The following ETV6 variants were observed in gnomAD, a reference collection of about 807,000 sequenced individuals.
ETV6 encodes transcription factor ETV6.
ETV6 carries 16 observed loss-of-function variants against 51.1 expected under a neutral mutation model. The observed-to-expected ratio is 0.31, with a 90% CI of 0.21 to 0.48. ETV6 has a LOEUF of 0.48. Among genes scored for constraint, ETV6 ranks in the 20% least tolerant of loss-of-function variants. The probability of loss-of-function intolerance (pLI) is 0.99; values close to 1 mark genes in which losing one functional copy is unlikely to be tolerated. For missense variants in ETV6, 458 were observed against 594.8 expected (o/e 0.77, Z 2.39); for synonymous variants, 240 against 224.1 (o/e 1.07, Z -0.64).
At chr12:11,746,871 G>T (rs930835870) in intron 1 of ETV6, among the ~76,000 whole-genome samples, 1 of 143,360 alleles carries the variant, frequency 7.0e-6, no homozygotes, top group South Asian at 2.2e-4. Context: ...AAGATGCTTT[G>T]ACTTAATTGT....
intron 2 of ETV6, among the ~76,000 whole-genome samples, chr12:11,814,047 A>G (rs559371212): frequency 6.6e-6 from 1 of 152,292 alleles, no homozygotes; most frequent in South Asian, 2.1e-4. Flanking sequence ...AGTTACGGTA[A>G]AACCTCCATT....
At chr12:11,812,976 C>T (rs945182093) in intron 2 of ETV6, among the ~76,000 whole-genome samples, 1 of 152,184 alleles carries the variant, frequency 6.6e-6, no homozygotes, top group Non-Finnish European at 1.5e-5. Context: ...CCCAGGAACC[C>T]TGGCTGCGGT....
intron 1 of ETV6, among the ~76,000 whole-genome samples, chr12:11,730,235 C>A (rs948496236): frequency 2.0e-5 from 3 of 152,236 alleles, no homozygotes; most frequent in Non-Finnish European, 4.4e-5. Context: ...GCAAAGCCCA[C>A]GGTCTAGGCA....
At chr12:11,770,057 C>CA (rs1014177999) in intron 2 of ETV6, among the ~76,000 whole-genome samples, 2 of 151,400 alleles carry the variant, frequency 1.3e-5, no homozygotes, top group East Asian at 1.9e-4. Context: ...TCCTTTCAAT[C>CA]AAAAAAAAGG....
intron 2 of ETV6, among the ~76,000 whole-genome samples, chr12:11,813,289 C>T (rs60974683): frequency 0.015 from 2,252 of 152,332 alleles, 51 homozygotes; most frequent in African/African-American, 0.051. Context: ...AGCCCCAGCC[C>T]ACCCGCCAGG....
At chr12:11,687,786 C>T (rs532906924) in intron 1 of ETV6, among the ~76,000 whole-genome samples, 3 of 152,142 alleles carry the variant, frequency 2.0e-5, no homozygotes, top group East Asian at 1.9e-4. Flanking sequence ...TGTAAGATGA[C>T]GAGTAATAGC....
intron 2 of ETV6, among the ~76,000 whole-genome samples, chr12:11,827,432 C>T (rs1481766589): frequency 6.6e-6 from 1 of 152,110 alleles, no homozygotes; most frequent in African/African-American, 2.4e-5. Context: ...AAAAGCCATG[C>T]TTTGGAGGTG....
chr12:11,741,132 TATA>T lies in ETV6; in HGVS notation c.34-11315_34-11313del, dbSNP rs148042178. ...TGGAGTTCAAGGCATTTCTTCAGATTATAATGAGTTGATAGTGCAGTGTGCAAA... is the reference window on the plus strand; with the variant it reads ...TGGAGTTCAAGGCATTTCTTCAGATTATGAGTTGATAGTGCAGTGTGCAAA... On this transcript the variant is annotated intron_variant, in intron 1 of 7. Transcript: ENST00000396373. 3.8e-3 allele frequency among the ~76,000 whole-genome samples: 573 copies of T among 152,338 alleles called. 2 individuals are homozygous for T. Among genetic ancestry groups the T allele is most frequent in the African/African-American group, 0.013 (532 of 41,572 alleles).
intron 4 of ETV6, among the ~76,000 whole-genome samples, chr12:11,865,684 T>C (rs930374048): frequency 6.7e-6 from 1 of 148,632 alleles, no homozygotes; most frequent in African/African-American, 2.4e-5. Flanking sequence ...TAATCATATA[T>C]AGTATATATG....
chr12:11,764,003 C>T (rs182096501), intron 2 of ETV6, among the ~76,000 whole-genome samples: 1 of 152,328 alleles, frequency 6.6e-6, no homozygotes, highest in East Asian at 1.9e-4. Flanking sequence ...ACATAAATAT[C>T]TCCCACGATG....
At chr12:11,654,665 A>G (rs960500947) in intron 1 of ETV6, among the ~76,000 whole-genome samples, 4 of 152,204 alleles carry the variant, frequency 2.6e-5, no homozygotes, top group African/African-American at 9.6e-5. Context: ...GGAGGAGATG[A>G]GAGAAGAAGG....
intron 1 of ETV6, among the ~76,000 whole-genome samples, chr12:11,677,692 A>G (rs1864447030): frequency 6.6e-6 from 1 of 152,176 alleles, no homozygotes; most frequent in South Asian, 2.1e-4. Flanking sequence ...CTTGCTGTGT[A>G]ATGTGGTTAC....
intron 5 of ETV6, among the ~76,000 whole-genome samples, chr12:11,877,463 C>T (rs1222430353): frequency 6.6e-6 from 1 of 152,228 alleles, no homozygotes; most frequent in Non-Finnish European, 1.5e-5. Flanking sequence ...GACACATGTG[C>T]ACCTTCGCAC....
chr12:11,653,693 C>G (rs538206475), intron 1 of ETV6, among the ~76,000 whole-genome samples: 338 of 152,254 alleles, frequency 2.2e-3, no homozygotes, highest in Non-Finnish European at 3.6e-3. Context: ...GTAACACTTT[C>G]ATCCACTGGC....
intron 1 of ETV6, among the ~76,000 whole-genome samples, chr12:11,721,861 C>T (rs1003934214): frequency 6.6e-6 from 1 of 152,116 alleles, no homozygotes; most frequent in African/African-American, 2.4e-5. Flanking sequence ...TGTACATATT[C>T]TGTTAGGTCA....
intron 1 of ETV6, among the ~76,000 whole-genome samples, chr12:11,659,163 G>A (rs950362533): frequency 1.3e-5 from 2 of 152,190 alleles, no homozygotes; most frequent in African/African-American, 4.8e-5. Context: ...GTTTGAAAAG[G>A]CCAAGTTTGT....
At chr12:11,773,490 G>C (rs1157908431) in intron 2 of ETV6, among the ~76,000 whole-genome samples, 3 of 152,146 alleles carry the variant, frequency 2.0e-5, no homozygotes, top group African/African-American at 7.2e-5. Context: ...CATTGGCACT[G>C]TCTGGTTCAA....
chr12:11,853,823 C>T (rs1946593302), intron 4 of ETV6, among the ~76,000 whole-genome samples: 1 of 152,194 alleles, frequency 6.6e-6, no homozygotes, highest in South Asian at 2.1e-4. Flanking sequence ...GGGTCCATGA[C>T]AGCCAGGTGC....
intron 1 of ETV6, among the ~76,000 whole-genome samples, chr12:11,655,978 C>T (rs1863992206): frequency 6.6e-6 from 1 of 152,228 alleles, no homozygotes. Flanking sequence ...CCAGTTGTAG[C>T]TTACAGCTAT....
Sources: gnomAD v4.1 joint callset for allele counts (sites outside exome capture counted in the v4.1 genomes callset) on GRCh38, gnomAD v4.1.1 for gene constraint, MANE v1.5 for transcripts, NCBI Gene and HGNC (gene_info 2026-07-23, HGNC 2026-07-21) for gene names.